SCFD2: variants seen among roughly 807,000 people sequenced by gnomAD.
SCFD2 encodes sec1 family domain containing 2.
In SCFD2, 54 loss-of-function variants were observed where a neutral mutation model predicts 58.9. The observed-to-expected ratio is 0.92, with a 90% CI of 0.74 to 1.15. The LOEUF (loss-of-function observed/expected upper bound fraction) is 1.15. Ranked by LOEUF, SCFD2 falls within the 50% of genes most tolerant of loss-of-function variation. The pLI, the probability that SCFD2 is intolerant of heterozygous loss-of-function variation, is 0.00. For synonymous variants in SCFD2, 321 were observed against 335.9 expected, an observed-to-expected ratio of 0.96 and a Z score of 0.49; for missense variants, 805 against 836.6, an observed-to-expected ratio of 0.96 and a Z score of 0.47.
chr4:53,104,964 T>G (rs562182987), intron 5 of SCFD2, among the ~76,000 whole-genome samples: 1 of 152,236 alleles, frequency 6.6e-6, no homozygotes, highest in African/African-American at 2.4e-5. Flanking sequence ...GAAGGTGATT[T>G]CTGCATTTCC....
At chr4:53,248,143 G>A (rs962287802) in intron 4 of SCFD2, among the ~76,000 whole-genome samples, 6 of 152,304 alleles carry the variant, frequency 3.9e-5, no homozygotes, top group Admixed American at 2.6e-4. Flanking sequence ...TCCCTTTCTT[G>A]GTCAAGGAAA....
chr4:53,094,328 T>C (rs191901877), intron 5 of SCFD2, among the ~76,000 whole-genome samples: 4 of 152,228 alleles, frequency 2.6e-5, no homozygotes, highest in Non-Finnish European at 5.9e-5. Context: ...AGTCTAGAAG[T>C]CCAAGATCAA....
At chr4:53,293,737 T>C (rs1402254790) in intron 3 of SCFD2, among the ~76,000 whole-genome samples, 1 of 151,976 alleles carries the variant, frequency 6.6e-6, no homozygotes, top group Non-Finnish European at 1.5e-5. Context: ...GCTCACTCTT[T>C]AAAAAAAATT....
intron 4 of SCFD2, among the ~76,000 whole-genome samples, chr4:53,244,743 T>A (rs1167172044): frequency 1.4e-5 from 2 of 147,948 alleles, no homozygotes; most frequent in African/African-American, 2.5e-5. Flanking sequence ...ATAAGCAAAA[T>A]CAGAGCTGCA....
intron 4 of SCFD2, among the ~76,000 whole-genome samples, chr4:53,265,906 AT>A (rs1305165425): frequency 1.2e-4 from 18 of 146,406 alleles, no homozygotes; most frequent in South Asian, 2.2e-4. Context: ...CATCCAGCTA[AT>A]TTTTTTTTTT....
intron 5 of SCFD2, among the ~76,000 whole-genome samples, chr4:53,124,947 T>C (rs1239910899): frequency 1.3e-5 from 2 of 152,220 alleles, no homozygotes; most frequent in East Asian, 3.8e-4. Context: ...GGTACTATTA[T>C]ATCCCCATTT....
chr4:53,008,244 C>G (rs1722022528), intron 5 of SCFD2, among the ~76,000 whole-genome samples: 1 of 152,102 alleles, frequency 6.6e-6, no homozygotes, highest in African/African-American at 2.4e-5. Context: ...CTCTTAAAAC[C>G]TACAGCTGAT....
chr4:53,250,953 G>A (rs1441689934), intron 4 of SCFD2, among the ~76,000 whole-genome samples: 1 of 152,162 alleles, frequency 6.6e-6, no homozygotes, highest in Non-Finnish European at 1.5e-5. Flanking sequence ...AATAAATCCA[G>A]GAGCTGGTTT....
chr4:53,047,575 C>T (rs1479684675), intron 5 of SCFD2, among the ~76,000 whole-genome samples: 1 of 152,242 alleles, frequency 6.6e-6, no homozygotes, highest in Admixed American at 6.5e-5. Context: ...GTACCACGCA[C>T]ACTAATGCAC....
chr4:52,900,001 CA>C (rs1312407945), intron 7 of SCFD2, among the ~76,000 whole-genome samples: 1 of 152,210 alleles, frequency 6.6e-6, no homozygotes, highest in African/African-American at 2.4e-5. Context: ...TCAGCTCCAT[CA>C]GGTCCTTTAA....
At chr4:53,129,709 TG>T (rs1725733590) in intron 5 of SCFD2, among the ~76,000 whole-genome samples, 1 of 152,250 alleles carries the variant, frequency 6.6e-6, no homozygotes, top group African/African-American at 2.4e-5. Context: ...TATGCAATAA[TG>T]TCTCCTAGAA....
intron 5 of SCFD2, among the ~76,000 whole-genome samples, chr4:52,999,318 T>G (rs1282580592): frequency 6.6e-6 from 1 of 152,174 alleles, no homozygotes; most frequent in African/African-American, 2.4e-5. Flanking sequence ...TACTCAAAAT[T>G]AGTAGACTGT....
At chr4:52,985,976 G>A (rs759496979) in intron 5 of SCFD2, among the ~76,000 whole-genome samples, 1 of 151,900 alleles carries the variant, frequency 6.6e-6, no homozygotes, top group African/African-American at 2.4e-5. Context: ...TAATTTCTTC[G>A]AAGACACTGA....
At chr4:53,172,706 C>T (rs1185409007) in intron 4 of SCFD2, among the ~76,000 whole-genome samples, 4 of 152,136 alleles carry the variant, frequency 2.6e-5, no homozygotes, top group African/African-American at 7.2e-5. Flanking sequence ...CAGAAAGATA[C>T]TTGATATAAT....
At chr4:53,182,880 C>A (rs183971280) in intron 4 of SCFD2, among the ~76,000 whole-genome samples, 2 of 151,908 alleles carry the variant, frequency 1.3e-5, no homozygotes, top group Admixed American at 6.6e-5. Context: ...GACATTAATG[C>A]AGCCAAAAAA....
intron 3 of SCFD2, among the ~76,000 whole-genome samples, chr4:53,310,838 G>T (rs1732667876): frequency 1.3e-5 from 2 of 152,048 alleles, no homozygotes; most frequent in African/African-American, 4.8e-5. Flanking sequence ...TCAATCATGG[G>T]ATCCCTCCCC....
At chr4:53,132,451 T>A (rs1223566911) in intron 5 of SCFD2, among the ~76,000 whole-genome samples, 1 of 151,972 alleles carries the variant, frequency 6.6e-6, no homozygotes, top group Admixed American at 6.6e-5. Flanking sequence ...TAAAGCTGTT[T>A]TTTGTTTTCT....
intron 5 of SCFD2, among the ~76,000 whole-genome samples, chr4:53,009,499 T>C (rs17645110): frequency 0.38 from 57,058 of 152,094 alleles, 10,788 homozygotes; most frequent in South Asian, 0.43. Flanking sequence ...TACCTTTTTT[T>C]AGCAAGCACC....
intron 8 of SCFD2, among the ~76,000 whole-genome samples, chr4:52,880,191 CT>C (rs1718573411): frequency 6.6e-6 from 1 of 152,236 alleles, no homozygotes; most frequent in South Asian, 2.1e-4. Context: ...TCGCTGTTGT[CT>C]CCCTGGGGCT....
Sources: gnomAD v4.1 joint callset for allele counts (sites outside exome capture counted in the v4.1 genomes callset) on GRCh38, gnomAD v4.1.1 for gene constraint, MANE v1.5 for transcripts, NCBI Gene and HGNC (gene_info 2026-07-23, HGNC 2026-07-21) for gene names.